The following IQSEC3 variants were observed in gnomAD, a reference collection of about 807,000 sequenced individuals.
IQSEC3 encodes the protein IQ motif and SEC7 domain-containing protein 3.
In IQSEC3, 50 loss-of-function variants were observed where a neutral mutation model predicts 105.4. The observed-to-expected ratio is 0.47, with a 90% CI of 0.38 to 0.60. The LOEUF is 0.60. Among genes scored for constraint, IQSEC3 ranks in the 20% least tolerant of loss-of-function variants. The pLI, the probability that IQSEC3 is intolerant of heterozygous loss-of-function variation, is 0.00. For missense variants in IQSEC3, 1,415 were observed against 1,630.0 expected, an observed-to-expected ratio of 0.87 and a Z score of 2.27; for synonymous variants, 708 against 746.0, an observed-to-expected ratio of 0.95 and a Z score of 0.83.
chr12:157,078 G>T lies in IQSEC3; in HGVS notation c.2207G>T (p.Arg736Leu). ...AGCATGGAGCTGGACGAGGCCCTGC[G>T]CAAGTTCCAGGCACACATCCGTGTG... Reference protein sequence around the residue: ...FSSMELDEALRKFQAHIRVQG... With the variant: ...FSSMELDEALLKFQAHIRVQG... The change falls in exon 6 of 14, where the codon CGC becomes CTC. Residue 736 changes from arginine to leucine, a missense_variant. By Grantham distance (102) the Arg-to-Leu change is moderately radical (BLOSUM62 -2). Around this residue, in one of 6 missense-constraint regions of IQSEC3, gnomAD observed 213 missense variants for 306.2 expected, o/e 0.70. Transcript: ENST00000538872. 1 of 1,606,058 alleles carries T rather than the reference G, an allele frequency of 6.2e-7. No individual in the cohort carries two copies. Among genetic ancestry groups the T allele is most frequent in the Non-Finnish European group, 8.5e-7 (1 of 1,176,258 alleles).
rs1358594198 is a variant in IQSEC3 at position 78,514 on chromosome 12, A to T, written c.554+11078A>T. Among the ~76,000 whole-genome samples, 13 of 151,760 alleles carry T rather than the reference A, an allele frequency of 8.6e-5. No individual in the cohort carries two copies. In the East Asian group the frequency reaches 9.7e-4, roughly 11 times the overall value. ...ACCCAAGACACCTCAGCAAAAAAAA[A>T]AAATAAATTTAAAACTCCCAGCCTT... is the stretch of plus-strand genomic sequence containing the variant. On this transcript the variant is annotated intron_variant, in intron 1 of 13. Coordinates refer to ENST00000538872, the MANE Select transcript of IQSEC3 (RefSeq NM_001170738.2).
chr12:113,890 C>T (rs565216806), intron 2 of IQSEC3, among the ~76,000 whole-genome samples: 1 of 152,314 alleles, frequency 6.6e-6, no homozygotes, highest in African/African-American at 2.4e-5. Context: ...GTTCCCTGGA[C>T]TAGAAGATAA....
chr12:126,704 C>T (rs1208911528), intron 3 of IQSEC3, among the ~76,000 whole-genome samples: 3 of 152,174 alleles, frequency 2.0e-5, no homozygotes, highest in Non-Finnish European at 4.4e-5. Flanking sequence ...CAGTTAAACC[C>T]TCTGGGCATT....
intron 12 of IQSEC3, 58 bp from the exon 13 acceptor site, chr12:171,054 G>A: frequency 1.2e-6 from 2 of 1,602,028 alleles, no homozygotes; most frequent in Non-Finnish European, 1.7e-6. Flanking sequence ...GCACAGGGGA[G>A]GGGCAGGGGC....
chr12:78,517 AT>A (rs1555069978), intron 1 of IQSEC3, among the ~76,000 whole-genome samples: 3 of 151,556 alleles, frequency 2.0e-5, no homozygotes, highest in African/African-American at 7.3e-5. Flanking sequence ...AAAAAAAAAA[AT>A]AAATTTAAAA....
intron 1 of IQSEC3, among the ~76,000 whole-genome samples, chr12:86,792 C>T (rs1363650330): frequency 6.6e-6 from 1 of 151,948 alleles, no homozygotes; most frequent in Non-Finnish European, 1.5e-5. Context: ...GTATGACCTC[C>T]CTTTTACAGT....
intron 3 of IQSEC3, among the ~76,000 whole-genome samples, chr12:128,999 G>A (rs782646672): frequency 1.3e-5 from 2 of 152,194 alleles, no homozygotes. Context: ...GGGCTTTTGT[G>A]TGGCTTTGTT....
chr12:149,517 T>G (rs1866420058), intron 5 of IQSEC3, among the ~76,000 whole-genome samples: 1 of 152,226 alleles, frequency 6.6e-6, no homozygotes, highest in Non-Finnish European at 1.5e-5. Flanking sequence ...GCTGCCGGCA[T>G]GCAGTCATTC....
At position 165,646 on chromosome 12, in the gene IQSEC3, C is replaced by G. The variant is rs1385596493; in HGVS notation, c.2810-83C>G. The G allele has an allele frequency of 5.1e-6, 8 of 1,578,660 alleles. No homozygotes were observed. In the East Asian group the frequency reaches 1.3e-4, roughly 27 times the overall value. ...CAGAGTGGGTGGAGGCATGAGACCC[C>G]GTGCCCTCCTCATGTCTGGCTGGCT... On this transcript the variant is annotated intron_variant, in intron 10 of 13. Coordinates refer to ENST00000538872, the MANE Select transcript of IQSEC3 (RefSeq NM_001170738.2).
rs12810228 is a variant in IQSEC3, at chr12:161,870, C to G, written c.2444-56C>G. ...GGGTCTCTTCTGTCTGGCTCCAGGG[C>G]TCTGACACCCTCCCTCCCAACCCCA... On this transcript the variant is annotated intron_variant, in intron 7 of 13. Coordinates refer to ENST00000538872, the MANE Select transcript of IQSEC3 (RefSeq NM_001170738.2). 13 of 1,496,122 alleles carry G rather than the reference C, an allele frequency of 8.7e-6. No homozygotes were observed. The African/African-American group carries it at 9.7e-5, about 11-fold the overall frequency. 92.7% of individuals were successfully genotyped at this position (1,496,122 alleles called of 1,614,324 possible). A position where few individuals can be genotyped will look rare whatever the true frequency, so the allele number is the denominator to read the frequency against.
chr12:127,628 C>A, intron 3 of IQSEC3, among the ~76,000 whole-genome samples: 1 of 152,044 alleles, frequency 6.6e-6, no homozygotes, highest in South Asian at 2.1e-4. Context: ...CTCCCAGCTT[C>A]GAAAACCCCA....
chr12:126,494 A>C (rs982514242), intron 3 of IQSEC3, among the ~76,000 whole-genome samples: 2 of 151,798 alleles, frequency 1.3e-5, no homozygotes, highest in African/African-American at 4.8e-5. Flanking sequence ...TTGAACCCCC[A>C]AAAAAGATAA....
chr12:76,102 ACACACACAC>A (rs782448695), intron 1 of IQSEC3, among the ~76,000 whole-genome samples: 202 of 148,824 alleles, frequency 1.4e-3, no homozygotes, highest in Middle Eastern at 3.4e-3. Context: ...ACACACACAC[ACACACACAC>A]ACACACACAC....
chr12:160,967 C>CAT (rs1472905063), intron 7 of IQSEC3, among the ~76,000 whole-genome samples: 15 of 152,156 alleles, frequency 9.9e-5, no homozygotes, highest in African/African-American at 3.6e-4. Context: ...GAACTGGGGG[C>CAT]ATCCATACAC....
At chr12:129,676 G>A (rs576898042) in intron 3 of IQSEC3, among the ~76,000 whole-genome samples, 22 of 152,222 alleles carry the variant, frequency 1.4e-4, no homozygotes, top group Admixed American at 9.2e-4. Context: ...GTTGCAGAGC[G>A]ACTGGAGCCC....
chr12:106,003 G>A (rs1555077777), intron 2 of IQSEC3, among the ~76,000 whole-genome samples: 1 of 152,210 alleles, frequency 6.6e-6, no homozygotes, highest in African/African-American at 2.4e-5. Context: ...GATGATTGGA[G>A]GAGAAGTCCT....
intron 1 of IQSEC3, among the ~76,000 whole-genome samples, chr12:69,118 C>T (rs1329090771): frequency 6.6e-6 from 1 of 152,206 alleles, no homozygotes; most frequent in Non-Finnish European, 1.5e-5. Flanking sequence ...TTTTCCAGTC[C>T]CCTTCCCTGA....
At chr12:86,083 A>T (rs1319710001) in intron 1 of IQSEC3, among the ~76,000 whole-genome samples, 2 of 152,202 alleles carry the variant, frequency 1.3e-5, no homozygotes, top group Non-Finnish European at 2.9e-5. Flanking sequence ...ATAGGGAGAT[A>T]TGACATGTAT....
rs1299410789 is a variant in IQSEC3, at chr12:165,472, G to A, written c.2748G>A (p.Thr916=). The A allele has an allele frequency of 4.3e-6, 7 of 1,614,014 alleles. No individual in the cohort carries two copies. Among genetic ancestry groups the A allele is most frequent in the South Asian group, 1.1e-5 (1 of 91,092 alleles). Residue 916 remains threonine, a synonymous_variant, in exon 10 of 14, where the codon ACG becomes ACA. Coordinates refer to ENST00000538872, the MANE Select transcript of IQSEC3 (RefSeq NM_001170738.2). ...GCCCGAAGAAGAAGAGCTCCTCCACGTACACCTTTTGCAAGTCAGTTGGCC... is the reference window on the plus strand; with the variant it reads ...GCCCGAAGAAGAAGAGCTCCTCCACATACACCTTTTGCAAGTCAGTTGGCC... ...KLCPKKKSSS[T]YTFCKSVGLL...
Sources: gnomAD v4.1 joint callset for allele counts (sites outside exome capture counted in the v4.1 genomes callset) on GRCh38, gnomAD v4.1.1 for gene constraint, gnomAD v4.1.1 regional missense constraint, MANE v1.5 for transcripts, NCBI Gene and HGNC (gene_info 2026-07-23, HGNC 2026-07-21) for gene names.